ZNF33B: variants seen among roughly 807,000 people sequenced by gnomAD.
ZNF33B encodes the protein zinc finger protein 11b (KOX 2).
ZNF33B carries 29 observed loss-of-function variants against 45.8 expected under a neutral mutation model. The ratio of observed to expected loss-of-function variants is 0.63; its 90% CI spans 0.47 to 0.86. The LOEUF (loss-of-function observed/expected upper bound fraction) is 0.86. ZNF33B is among the 40% of genes least tolerant of loss of function. The probability of loss-of-function intolerance (pLI) is 0.00; values close to 1 mark genes in which losing one functional copy is unlikely to be tolerated. For synonymous variants in ZNF33B, 305 were observed against 307.8 expected, an observed-to-expected ratio of 0.99 and a Z score of 0.10; for missense variants, 831 against 909.9, an observed-to-expected ratio of 0.91 and a Z score of 1.12.
chr10:42,638,092 G>C (rs1452820658), intron 1 of ZNF33B, among the ~76,000 whole-genome samples: 1 of 152,256 alleles, frequency 6.6e-6, no homozygotes, highest in Non-Finnish European at 1.5e-5. Flanking sequence ...ACGGGCAACA[G>C]AGTCCGTATG....
chr10:42,612,233 ATT>A (rs59259404), intron 4 of ZNF33B, among the ~76,000 whole-genome samples: 6 of 119,328 alleles, frequency 5.0e-5, no homozygotes, highest in Non-Finnish European at 6.6e-5. Context: ...ACAGAAGTTG[ATT>A]TTTTTTTTTT....
intron 4 of ZNF33B, among the ~76,000 whole-genome samples, chr10:42,610,329 A>C (rs1838048306): frequency 6.6e-6 from 1 of 150,912 alleles, no homozygotes; most frequent in Non-Finnish European, 1.5e-5. Context: ...TGATGTCAGG[A>C]GGTTGAGACC....
At chr10:42,636,773 A>T (rs2132181418) in intron 2 of ZNF33B, 147 bp downstream of exon 2, 1 of 1,082,496 alleles carries the variant, frequency 9.2e-7, no homozygotes, top group East Asian at 2.4e-5. Context: ...GGTTGCAGTG[A>T]ACAGAGATGG....
chr10:42,626,548 C>G (rs1453121092), intron 4 of ZNF33B, among the ~76,000 whole-genome samples: 1 of 151,970 alleles, frequency 6.6e-6, no homozygotes. Context: ...ATTAGCCGAG[C>G]ATGGTCGCAT....
At chr10:42,600,861 G>A (rs530422148) in intron 4 of ZNF33B, among the ~76,000 whole-genome samples, 6 of 152,112 alleles carry the variant, frequency 3.9e-5, no homozygotes, top group African/African-American at 1.4e-4. Flanking sequence ...ATCCTTTTTA[G>A]AGACTTACAT....
At chr10:42,585,521 A>G (rs895197249), downstream of ZNF33B, among the ~76,000 whole-genome samples, 4 of 152,188 alleles carry the variant, frequency 2.6e-5, no homozygotes, top group African/African-American at 7.2e-5. Context: ...TTACTGGAGG[A>G]GATGGGAACT....
At chr10:42,596,350 A>G (rs1246542026) in intron 4 of ZNF33B, among the ~76,000 whole-genome samples, 1 of 152,092 alleles carries the variant, frequency 6.6e-6, no homozygotes, top group African/African-American at 2.4e-5. Flanking sequence ...AAGTCTCAGC[A>G]AACTTTTACT....
rs535555442 is a variant in ZNF33B, at chr10:42,611,621, T to G, written c.251-16922A>C. Among the ~76,000 whole-genome samples, 17 of 152,278 alleles carry G rather than the reference T, an allele frequency of 1.1e-4. No individual in the cohort carries two copies. In the East Asian group the frequency reaches 3.3e-3, roughly 29 times the overall value. On this transcript the variant is annotated intron_variant, in intron 4 of 4. Coordinates refer to ENST00000359467, the MANE Select transcript of ZNF33B (RefSeq NM_006955.3). ...TAGACTTCATGGAATGAAAAACTCT[T>G]TTGCTACCAAGTACAAAGTAAAGAC...
rs533097894 is a variant in ZNF33B at position 42,591,417 on chromosome 10, C to T, written c.*1196G>A. The stretch of plus-strand genomic sequence containing the variant: ...AGGCAGGCCTAGATCTTCACACGTA[C>T]AGGATAGATTTTTTTTCAGATAATC... On this transcript the variant is annotated 3_prime_UTR_variant, in exon 5 of 5. Coordinates refer to ENST00000359467, the MANE Select transcript of ZNF33B (RefSeq NM_006955.3). 2 of 307,458 alleles carry T rather than the reference C, an allele frequency of 6.5e-6. No individual in the cohort carries two copies. Among genetic ancestry groups the T allele is most frequent in the Admixed American group, 1.3e-4 (2 of 15,454 alleles). The allele number at this position is 307,458 out of a possible 1,614,324, so 19.0% of individuals were successfully genotyped here. A position where few individuals can be genotyped will look rare whatever the true frequency, so the allele number is the denominator to read the frequency against.
intron 2 of ZNF33B, 28 bp downstream of exon 2, chr10:42,636,892 T>C: frequency 1.2e-6 from 2 of 1,613,892 alleles, no homozygotes; most frequent in Non-Finnish European, 1.7e-6. Context: ...CACCGCAAAA[T>C]AAAGTAGGGA....
Position 42,592,531 on chromosome 10 carries a change from G to T in ZNF33B, c.*82C>A. ...TGGATAGTTATTGAACATTCAGGAT[G>T]TCAACAGGCCCTTCTCCACAGTGTG... is the stretch of plus-strand genomic sequence containing the variant. On this transcript the variant is annotated 3_prime_UTR_variant, in exon 5 of 5. Coordinates refer to ENST00000359467, the MANE Select transcript of ZNF33B (RefSeq NM_006955.3). 6.6e-7 allele frequency: 1 copy of T among 1,504,666 alleles called. No homozygotes were observed. Among genetic ancestry groups the T allele is most frequent in the Non-Finnish European group, 8.9e-7 (1 of 1,118,568 alleles). 93.2% of individuals were successfully genotyped at this position (1,504,666 alleles called of 1,614,324 possible). A position where few individuals can be genotyped will look rare whatever the true frequency, so the allele number is the denominator to read the frequency against.
intron 4 of ZNF33B, among the ~76,000 whole-genome samples, chr10:42,626,539 T>C (rs561256850): frequency 6.3e-4 from 96 of 152,130 alleles, no homozygotes; most frequent in African/African-American, 2.2e-3. Context: ...AATACAAAAA[T>C]TAGCCGAGCA....
At chr10:42,586,038 T>C (rs1836927108), downstream of ZNF33B, among the ~76,000 whole-genome samples, 1 of 152,242 alleles carries the variant, frequency 6.6e-6, no homozygotes, top group South Asian at 2.1e-4. Flanking sequence ...TGCCAGTCTG[T>C]TATTACTACA....
chr10:42,635,809 CAAA>C lies in ZNF33B; in HGVS notation c.9+1108_9+1110del, dbSNP rs35517157. ...TGGCGACAGAGCAAGACTCTGTATC[CAAA>C]AAAAAAAAAAAAAATTAAAATACAC... On this transcript the variant is annotated intron_variant, in intron 2 of 4. Coordinates refer to ENST00000359467, the MANE Select transcript of ZNF33B (RefSeq NM_006955.3). Among the ~76,000 whole-genome samples the C allele has an allele frequency of 2.6e-4, 27 of 102,878 alleles. 2 individuals carry two copies. Among genetic ancestry groups the C allele is most frequent in the African/African-American group, 7.9e-4 (24 of 30,530 alleles). The allele number at this position is 102,878 out of a possible 152,430, so 67.5% of individuals were successfully genotyped here. A position where few individuals can be genotyped will look rare whatever the true frequency, so the allele number is the denominator to read the frequency against.
In ZNF33B at chr10:42,594,266, G is replaced by A. The variant is rs763314824; in HGVS notation, c.684C>T (p.Leu228=). The change falls in exon 5 of 5, where the codon CTC becomes CTT. Residue 228 remains leucine, a synonymous_variant. Transcript: ENST00000359467. The part of the protein sequence containing the change: ...NFEYSICQET[L]LEKAVFNTRK... The stretch of plus-strand genomic sequence containing the variant: ...GTGTATTGAATACTGCCTTTTCAAG[G>A]AGGGTTTCCTGACATATACTGTATT... 3.1e-6 allele frequency: 5 copies of A among 1,613,866 alleles called. No individual in the cohort carries two copies. Among genetic ancestry groups the A allele is most frequent in the Non-Finnish European group, 4.2e-6 (5 of 1,179,922 alleles).
At chr10:42,580,189 G>A (rs1248265968) in intron 1 of ZNF33B, among the ~76,000 whole-genome samples, 2 of 152,152 alleles carry the variant, frequency 1.3e-5, no homozygotes, top group Non-Finnish European at 2.9e-5. Flanking sequence ...TGAGGACGGT[G>A]AGGTCAGGGC....
In ZNF33B at chr10:42,589,759, T is replaced by C. The variant is rs1397355154; in HGVS notation, c.*2854A>G. The C allele has an allele frequency of 1.3e-5, 2 of 151,942 alleles. No individual in the cohort carries two copies. The highest frequency in any genetic ancestry group is 2.9e-5 in the Non-Finnish European group (2 of 68,030). 9.4% of individuals were successfully genotyped at this position (151,942 alleles called of 1,614,324 possible). ...TTATTTGAGAACAAAGACAGTTGTA[T>C]TTCCTCCTTCCAAATTTATGTGCAT... On this transcript the variant is annotated 3_prime_UTR_variant, in exon 5 of 5. Transcript: ENST00000359467.
At chr10:42,624,019 G>A (rs1838698352) in intron 4 of ZNF33B, among the ~76,000 whole-genome samples, 2 of 152,202 alleles carry the variant, frequency 1.3e-5, no homozygotes, top group South Asian at 4.1e-4. Context: ...TCCAAATGCT[G>A]GAAGTCTGAG....
At chr10:42,625,725 G>A (rs528936250) in intron 4 of ZNF33B, among the ~76,000 whole-genome samples, 3 of 152,318 alleles carry the variant, frequency 2.0e-5, no homozygotes, top group South Asian at 2.1e-4. Flanking sequence ...CACTCGCCAC[G>A]GCCTCCCAAA....
Sources: allele counts gnomAD v4.1 joint callset (sites outside exome capture counted in the v4.1 genomes callset), GRCh38; gene constraint gnomAD v4.1.1; transcripts MANE v1.5; gene names NCBI Gene and HGNC (gene_info 2026-07-23, HGNC 2026-07-21).